RIC8B: variants seen among roughly 807,000 people sequenced by gnomAD.
RIC8B encodes RIC8 guanine nucleotide exchange factor B.
Under a neutral mutation model 57.5 loss-of-function variants are expected in RIC8B, and 16 were observed. The ratio of observed to expected loss-of-function variants is 0.28; its 90% CI spans 0.19 to 0.42. RIC8B has a LOEUF of 0.42. Ranked by LOEUF, RIC8B falls within the 10% of genes least tolerant of loss-of-function variation. RIC8B has a pLI of 1.00. For missense variants in RIC8B, 481 were observed against 677.0 expected (o/e 0.71, Z 3.21); for synonymous variants, 216 against 250.8 (o/e 0.86, Z 1.31).
chr12:106,823,277 C>T (rs972305218), intron 3 of RIC8B: 6 of 290,312 alleles, frequency 2.1e-5, no homozygotes, highest in African/African-American at 1.3e-4. Flanking sequence ...TTAGCTGAAA[C>T]CTGGAGTATG....
chr12:106,826,801 A>C (rs2046125518), intron 4 of RIC8B, among the ~76,000 whole-genome samples: 1 of 152,148 alleles, frequency 6.6e-6, no homozygotes. Flanking sequence ...TATATAAAAT[A>C]GTTCAGCTGG....
rs112196438 is a variant in RIC8B at position 106,881,153 on chromosome 12, C to T, written c.1572-4751C>T. Among the ~76,000 whole-genome samples the T allele has an allele frequency of 1.7e-3, 254 of 151,772 alleles. 1 individual carries two copies. The highest frequency in any genetic ancestry group is 3.4e-3 in the Middle Eastern group (1 of 292). ...ACATTCTCTTTTTAAAATATCAGAG[C>T]AGTAGTATTTCATAGCTCTCAAACT... is the stretch of plus-strand genomic sequence containing the variant. On this transcript the variant is annotated intron_variant, in intron 9 of 9. Coordinates refer to ENST00000392837, the MANE Select transcript of RIC8B (RefSeq NM_001330145.2).
chr12:106,815,014 T>C lies in RIC8B; in HGVS notation c.451T>C (p.Cys151Arg). 1 of 1,614,230 alleles carries C rather than the reference T, an allele frequency of 6.2e-7. No homozygotes were observed. Among genetic ancestry groups the C allele is most frequent in the Non-Finnish European group, 8.5e-7 (1 of 1,180,032 alleles). Residue 151 changes from cysteine to arginine, a missense_variant, in exon 3 of 10, where the codon TGC becomes CGC. Cys to Arg is a radical substitution (Grantham distance 180). Transcript: ENST00000392837. ...AAAGCTCTGTAACCTCCTGAGAAAG[T>C]GCAAGGACCGGAAATTTATCAATGA... Reference protein sequence around the residue: ...AAKLCNLLRKCKDRKFINDIK... With the variant: ...AAKLCNLLRKRKDRKFINDIK...
intron 4 of RIC8B, among the ~76,000 whole-genome samples, 160 bp from the exon 5 acceptor site, chr12:106,842,429 C>G (rs548581758): frequency 6.6e-6 from 1 of 152,038 alleles, no homozygotes; most frequent in South Asian, 2.1e-4. Flanking sequence ...TTTTTATTTC[C>G]TATCTCATAG....
chr12:106,802,054 T>A (rs147151962), intron 2 of RIC8B, among the ~76,000 whole-genome samples: 1 of 152,052 alleles, frequency 6.6e-6, no homozygotes, highest in African/African-American at 2.4e-5. Flanking sequence ...CACAGAAGAG[T>A]GTAGACATAA....
At chr12:106,833,407 G>T (rs373116362) in intron 4 of RIC8B, among the ~76,000 whole-genome samples, 6 of 152,040 alleles carry the variant, frequency 3.9e-5, no homozygotes, top group African/African-American at 9.7e-5. Flanking sequence ...TTCGAGACCA[G>T]CCTGACCAAC....
chr12:106,800,482 C>T (rs769819962), intron 2 of RIC8B, among the ~76,000 whole-genome samples: 5 of 152,270 alleles, frequency 3.3e-5, no homozygotes, highest in Admixed American at 6.5e-5. Flanking sequence ...TTCTCACCTC[C>T]GGCACCAGGG....
Position 106,821,624 on chromosome 12 carries a change from A to G in RIC8B, c.742-4102A>G, listed in dbSNP as rs180855341. 5.3e-5 allele frequency among the ~76,000 whole-genome samples: 8 copies of G among 152,322 alleles called. No individual in the cohort carries two copies. In the East Asian group the frequency reaches 1.5e-3, roughly 29 times the overall value. ...AGGGCAAAATAAGGATAAAATTATT[A>G]ATTAAAGAAATGACATCGATTTTCA... On this transcript the variant is annotated intron_variant, in intron 3 of 9. Transcript: ENST00000392837.
At chr12:106,808,925 G>A (rs1282421180) in intron 2 of RIC8B, among the ~76,000 whole-genome samples, 6 of 152,024 alleles carry the variant, frequency 3.9e-5, no homozygotes, top group African/African-American at 1.4e-4. Flanking sequence ...ATGCTTCATA[G>A]CCTATTTTGT....
chr12:106,808,963 T>C (rs1202533476), intron 2 of RIC8B, among the ~76,000 whole-genome samples: 1 of 152,188 alleles, frequency 6.6e-6, no homozygotes, highest in Non-Finnish European at 1.5e-5. Context: ...AGATGATCCT[T>C]GTTTTATTGA....
intron 8 of RIC8B, among the ~76,000 whole-genome samples, chr12:106,866,177 T>C (rs1002286844): frequency 6.6e-6 from 1 of 152,108 alleles, no homozygotes; most frequent in Admixed American, 6.6e-5. Flanking sequence ...AGTTTTTGTT[T>C]TTTTGTTTTT....
At chr12:106,801,929 C>T (rs932892685) in intron 2 of RIC8B, among the ~76,000 whole-genome samples, 5 of 152,134 alleles carry the variant, frequency 3.3e-5, no homozygotes, top group African/African-American at 4.8e-5. Context: ...CCTACATACA[C>T]GTGCTGTATA....
intron 6 of RIC8B, among the ~76,000 whole-genome samples, chr12:106,851,067 C>T (rs1026060598): frequency 1.3e-5 from 2 of 152,128 alleles, no homozygotes; most frequent in Non-Finnish European, 2.9e-5. Flanking sequence ...AGGTAAAAAT[C>T]AGTATGACTC....
chr12:106,865,764 T>G (rs1950114499), intron 8 of RIC8B, among the ~76,000 whole-genome samples: 1 of 152,172 alleles, frequency 6.6e-6, no homozygotes, highest in Non-Finnish European at 1.5e-5. Flanking sequence ...TTTTAATATG[T>G]AAATCAGACT....
chr12:106,844,216 A>T (rs1375179463), intron 6 of RIC8B, among the ~76,000 whole-genome samples: 14 of 152,170 alleles, frequency 9.2e-5, no homozygotes, highest in Non-Finnish European at 1.5e-5. Context: ...AGAGAGGGGG[A>T]CAAAAAGTAA....
Position 106,885,946 on chromosome 12 carries a change from A to G in RIC8B, c.1614A>G (p.Thr538=). 6.2e-7 allele frequency: 1 copy of G among 1,613,868 alleles called. No individual in the cohort carries two copies. The highest frequency in any genetic ancestry group is 8.5e-7 in the Non-Finnish European group (1 of 1,179,880). Residue 538 remains threonine, a synonymous_variant, in exon 10 of 10, where the codon ACA becomes ACG. Transcript: ENST00000392837. Reference sequence around the variant, plus strand: ...CAATGGGACTAAAACCTGATGGGACAATAACGCCTTTGGAGGAAGCACTCA... The same window carrying G: ...CAATGGGACTAAAACCTGATGGGACGATAACGCCTTTGGAGGAAGCACTCA... The part of the protein sequence containing the change: ...LKPMGLKPDG[T]ITPLEEALNQ...
At chr12:106,779,777 C>T (rs373416622) in intron 1 of RIC8B, among the ~76,000 whole-genome samples, 4 of 148,366 alleles carry the variant, frequency 2.7e-5, no homozygotes, top group South Asian at 4.2e-4. Context: ...ATCACCTCAA[C>T]TTTAGTTATA....
chr12:106,871,971 C>T (rs544554765), intron 9 of RIC8B, among the ~76,000 whole-genome samples: 29 of 152,268 alleles, frequency 1.9e-4, no homozygotes, highest in Non-Finnish European at 3.1e-4. Context: ...TATTTATCCA[C>T]GCTGCAGAGT....
intron 7 of RIC8B, among the ~76,000 whole-genome samples, chr12:106,856,193 T>G (rs1593321599): frequency 6.6e-6 from 1 of 152,320 alleles, no homozygotes; most frequent in Middle Eastern, 3.4e-3. Context: ...AATAAGCTAT[T>G]AAAATATCTC....
Sources: allele counts gnomAD v4.1 joint callset (sites outside exome capture counted in the v4.1 genomes callset), GRCh38; gene constraint gnomAD v4.1.1; transcripts MANE v1.5; gene names NCBI Gene and HGNC (gene_info 2026-07-23, HGNC 2026-07-21).